The following PPARGC1A variants were observed in gnomAD, a reference collection of about 807,000 sequenced individuals.
PPARGC1A encodes PPARG coactivator 1 alpha, also known as peroxisome proliferator-activated receptor gamma coactivator 1-alpha.
A neutral mutation model predicts 88.7 loss-of-function variants in PPARGC1A; 25 were observed. That is an observed-to-expected ratio of 0.28 (90% CI 0.21 to 0.39). The LOEUF (loss-of-function observed/expected upper bound fraction) is 0.39, where lower values mean the gene tolerates loss of function less well. Ranked by LOEUF, PPARGC1A falls within the 10% of genes least tolerant of loss-of-function variation. PPARGC1A has a pLI of 1.00. For synonymous variants in PPARGC1A, 363 were observed against 355.6 expected (o/e 1.02, Z -0.24); for missense variants, 880 against 968.7 (o/e 0.91, Z 1.22).
the PPARGC1A span, among the ~76,000 whole-genome samples, chr4:23,914,783 A>G: frequency 9.2e-5 from 14 of 152,306 alleles, no homozygotes; most frequent in Non-Finnish European, 1.5e-4. Context: ...GATGTTTTCT[A>G]TTACCTTCCA....
chr4:23,937,994 T>C, the PPARGC1A span, among the ~76,000 whole-genome samples: 1 of 152,076 alleles, frequency 6.6e-6, no homozygotes, highest in Non-Finnish European at 1.5e-5. Context: ...GTAAACACAG[T>C]TGGGCTTGGA....
At chr4:24,401,096 T>G in the PPARGC1A span, among the ~76,000 whole-genome samples, 9 of 148,428 alleles carry the variant, frequency 6.1e-5, no homozygotes, top group East Asian at 1.0e-3. Flanking sequence ...TTGGCTCACT[T>G]CAAGCTCCGC....
At chr4:24,389,434 T>C in the PPARGC1A span, among the ~76,000 whole-genome samples, 1 of 152,182 alleles carries the variant, frequency 6.6e-6, no homozygotes. Context: ...AGACCCTCAA[T>C]GAGTTACAGA....
chr4:24,157,430 G>A, the PPARGC1A span, among the ~76,000 whole-genome samples: 8 of 152,028 alleles, frequency 5.3e-5, no homozygotes, highest in South Asian at 4.2e-4. Context: ...TCTCAACTCC[G>A]TCTTTATTCT....
chr4:24,284,176 G>A, the PPARGC1A span, among the ~76,000 whole-genome samples: 2 of 151,534 alleles, frequency 1.3e-5, no homozygotes, highest in Admixed American at 6.6e-5. Context: ...GGGCAGGGGG[G>A]CACCTGTAAT....
At chr4:24,066,591 C>G in the PPARGC1A span, among the ~76,000 whole-genome samples, 1 of 152,108 alleles carries the variant, frequency 6.6e-6, no homozygotes, top group Admixed American at 6.5e-5. Flanking sequence ...GTGGGGAGGA[C>G]CCATTAGAGC....
intron 10 of PPARGC1A, 99 bp downstream of exon 10, chr4:23,812,648 G>C (rs946728741): frequency 2.9e-5 from 46 of 1,560,598 alleles, no homozygotes; most frequent in Non-Finnish European, 4.0e-5. Flanking sequence ...TTCTAACAAA[G>C]ACTTAGCTTT....
chr4:24,182,189 C>T, the PPARGC1A span, among the ~76,000 whole-genome samples: 1 of 152,076 alleles, frequency 6.6e-6, no homozygotes, highest in Non-Finnish European at 1.5e-5. Context: ...ATGTTCCCCT[C>T]CCTGTGTCCA....
chr4:24,432,303 A>T, the PPARGC1A span, among the ~76,000 whole-genome samples: 1 of 152,152 alleles, frequency 6.6e-6, no homozygotes, highest in Non-Finnish European at 1.5e-5. Context: ...GCCATGGGTG[A>T]TAAGGATCTT....
At chr4:24,436,643 G>A in the PPARGC1A span, among the ~76,000 whole-genome samples, 6 of 132,916 alleles carry the variant, frequency 4.5e-5, no homozygotes, top group Non-Finnish European at 6.5e-5. Flanking sequence ...TGCTGACATC[G>A]ATTGGCCACC....
the PPARGC1A span, among the ~76,000 whole-genome samples, chr4:24,002,987 G>A: frequency 6.6e-6 from 1 of 152,136 alleles, no homozygotes; most frequent in East Asian, 1.9e-4. Flanking sequence ...TTACATTCTT[G>A]TGGATTTATT....
the PPARGC1A span, among the ~76,000 whole-genome samples, chr4:24,068,859 G>T: frequency 1.3e-5 from 2 of 152,046 alleles, no homozygotes; most frequent in African/African-American, 4.8e-5. Flanking sequence ...GACCCTCATG[G>T]TACCATCATG....
the PPARGC1A span, among the ~76,000 whole-genome samples, chr4:24,001,561 A>C: frequency 2.0e-5 from 3 of 151,846 alleles, no homozygotes; most frequent in African/African-American, 7.2e-5. Flanking sequence ...GTGCCAAGGT[A>C]TATTTCAAAA....
the PPARGC1A span, among the ~76,000 whole-genome samples, chr4:24,187,696 G>A: frequency 8.5e-5 from 13 of 152,132 alleles, no homozygotes; most frequent in East Asian, 1.5e-3. Context: ...AGGATTAGAC[G>A]TCTATTAAAA....
the PPARGC1A span, among the ~76,000 whole-genome samples, chr4:24,186,294 G>C: frequency 6.6e-6 from 1 of 152,162 alleles, no homozygotes; most frequent in African/African-American, 2.4e-5. Flanking sequence ...TGCGAATCCA[G>C]TAAGTTAGAG....
the PPARGC1A span, among the ~76,000 whole-genome samples, chr4:24,033,844 G>A: frequency 3.0e-4 from 45 of 152,184 alleles, no homozygotes; most frequent in South Asian, 2.1e-3. Flanking sequence ...GCGTGGAGCC[G>A]GTTGATGGAA....
the PPARGC1A span, among the ~76,000 whole-genome samples, chr4:24,271,942 A>T: frequency 6.6e-6 from 1 of 152,126 alleles, no homozygotes; most frequent in Non-Finnish European, 1.5e-5. Context: ...TAACACTCAG[A>T]TCATTCATTT....
the PPARGC1A span, among the ~76,000 whole-genome samples, chr4:24,184,751 G>A: frequency 1.3e-5 from 2 of 152,130 alleles, no homozygotes; most frequent in South Asian, 4.1e-4. Flanking sequence ...CATAGAATGA[G>A]GCACTGAATC....
chr4:24,046,694 A>C, the PPARGC1A span, among the ~76,000 whole-genome samples: 329 of 152,288 alleles, frequency 2.2e-3, no homozygotes, highest in African/African-American at 7.6e-3. Flanking sequence ...GCTGGAGTTC[A>C]CTGACTAGCC....
Sources: allele counts gnomAD v4.1 joint callset (sites outside exome capture counted in the v4.1 genomes callset), GRCh38; gene constraint gnomAD v4.1.1; transcripts MANE v1.5; gene names NCBI Gene and HGNC (gene_info 2026-07-23, HGNC 2026-07-21).